Variants in CFAP299 observed in about 807,000 individuals in gnomAD.
CFAP299 encodes the protein cilia- and flagella-associated protein 299.
In CFAP299, 21 loss-of-function variants were observed where a neutral mutation model predicts 27.0. That is an observed-to-expected ratio of 0.78 (90% CI 0.55 to 1.12). The LOEUF (loss-of-function observed/expected upper bound fraction) is 1.12, where lower values mean the gene tolerates loss of function less well. CFAP299 is among the 50% of genes most tolerant of loss of function. The pLI is 0.00. For missense variants in CFAP299, 310 were observed against 276.6 expected (o/e 1.12, Z -0.86); for synonymous variants, 104 against 98.1 (o/e 1.06, Z -0.36).
chr4:80,795,930 G>A (rs1284423704), intron 3 of CFAP299, among the ~76,000 whole-genome samples: 1 of 152,172 alleles, frequency 6.6e-6, no homozygotes, highest in Non-Finnish European at 1.5e-5. Context: ...GGACCTGCCA[G>A]TGGCTCCAAA....
At chr4:80,447,138 T>TTTTGTTTTTTG (rs1560571657) in intron 2 of CFAP299, among the ~76,000 whole-genome samples, 10 of 111,998 alleles carry the variant, frequency 8.9e-5, no homozygotes, top group Non-Finnish European at 1.2e-4. Context: ...TTGTTTTTTT[T>TTTTGTTTTTTG]TTTTTTTTTT....
At chr4:80,611,028 C>T (rs879805043) in intron 3 of CFAP299, among the ~76,000 whole-genome samples, 1 of 152,006 alleles carries the variant, frequency 6.6e-6, no homozygotes, top group Admixed American at 6.6e-5. Context: ...AATGGTAAAC[C>T]GCAGGACCAC....
the CFAP299 span, among the ~76,000 whole-genome samples, chr4:80,329,074 T>C: frequency 6.6e-6 from 1 of 151,886 alleles, no homozygotes; most frequent in Non-Finnish European, 1.5e-5. Flanking sequence ...ATAAGATTTC[T>C]TTTTTTGCGA....
chr4:80,444,255 A>T (rs746465276), intron 2 of CFAP299, among the ~76,000 whole-genome samples: 2 of 152,214 alleles, frequency 1.3e-5, no homozygotes, highest in Non-Finnish European at 2.9e-5. Flanking sequence ...AGCTGGAGGC[A>T]TCATGCTACC....
chr4:80,427,114 T>G (rs187579764), intron 2 of CFAP299, among the ~76,000 whole-genome samples: 1 of 152,178 alleles, frequency 6.6e-6, no homozygotes, highest in African/African-American at 2.4e-5. Context: ...GCAAAAGAAT[T>G]TGAGGAAATG....
At chr4:80,322,748 A>C in the CFAP299 span, among the ~76,000 whole-genome samples, 11 of 152,242 alleles carry the variant, frequency 7.2e-5, no homozygotes, top group Non-Finnish European at 1.0e-4. Context: ...TATTTTAAGA[A>C]GCAACACTAA....
chr4:80,763,803 G>A (rs762405204), intron 3 of CFAP299, among the ~76,000 whole-genome samples: 3 of 151,902 alleles, frequency 2.0e-5, no homozygotes, highest in South Asian at 2.1e-4. Flanking sequence ...ATAACAACAC[G>A]CATCTACAAC....
At chr4:80,333,489 C>T (rs1722014709), upstream of CFAP299, among the ~76,000 whole-genome samples, 1 of 152,154 alleles carries the variant, frequency 6.6e-6, no homozygotes, top group African/African-American at 2.4e-5. Context: ...GCAAAACATT[C>T]CCTTCCTGTC....
chr4:80,460,125 G>A (rs1212441218), intron 2 of CFAP299, among the ~76,000 whole-genome samples: 1 of 152,132 alleles, frequency 6.6e-6, no homozygotes, highest in African/African-American at 2.4e-5. Context: ...GTTTTGTTAT[G>A]CAGATGAAAC....
At position 80,879,597 on chromosome 4, in the gene CFAP299, G is replaced by C. The variant is rs957692143; in HGVS notation, c.476+9462G>C. ...GTATTTTCATTTGTTTTTAACACTC[G>C]GCATTTTTACTTTCAATCGAAATTT... On this transcript the variant is annotated intron_variant, in intron 4 of 5. Coordinates refer to ENST00000358105, the MANE Select transcript of CFAP299 (RefSeq NM_152770.3). Among the ~76,000 whole-genome samples, 13 of 151,960 alleles carry C rather than the reference G, an allele frequency of 8.6e-5. No individual in the cohort carries two copies. The East Asian group carries it at 1.5e-3, about 18-fold the overall frequency.
At chr4:80,562,841 G>A (rs911665326) in intron 2 of CFAP299, among the ~76,000 whole-genome samples, 1 of 151,688 alleles carries the variant, frequency 6.6e-6, no homozygotes, top group Non-Finnish European at 1.5e-5. Flanking sequence ...TGAAAATAAA[G>A]GCGTGGAAAA....
At chr4:80,697,247 T>A (rs1721161568) in intron 3 of CFAP299, among the ~76,000 whole-genome samples, 2 of 152,082 alleles carry the variant, frequency 1.3e-5, no homozygotes, top group Admixed American at 1.3e-4. Flanking sequence ...GAATTAGAGA[T>A]CCCTGTTAAA....
intron 3 of CFAP299, among the ~76,000 whole-genome samples, chr4:80,690,146 T>A (rs1720557868): frequency 7.0e-6 from 1 of 142,030 alleles, no homozygotes; most frequent in South Asian, 2.1e-4. Context: ...AGACAGAAAA[T>A]CAACAAGGAT....
intron 4 of CFAP299, among the ~76,000 whole-genome samples, chr4:80,942,997 T>C (rs1482006202): frequency 6.6e-6 from 1 of 152,186 alleles, no homozygotes; most frequent in Non-Finnish European, 1.5e-5. Context: ...TGCTACAGAA[T>C]CATCTGCTGC....
chr4:80,700,622 A>C (rs1453913070), intron 3 of CFAP299, among the ~76,000 whole-genome samples: 3 of 152,048 alleles, frequency 2.0e-5, no homozygotes, highest in African/African-American at 4.8e-5. Context: ...TGCCTTCTAA[A>C]AGGCTGGGGT....
At chr4:80,742,803 G>A (rs767508885) in intron 3 of CFAP299, among the ~76,000 whole-genome samples, 9 of 152,128 alleles carry the variant, frequency 5.9e-5, no homozygotes, top group African/African-American at 2.2e-4. Flanking sequence ...CTCAAAAGTG[G>A]AATGTTGATC....
chr4:80,422,397 TTAGC>T (rs1727327790), intron 2 of CFAP299, among the ~76,000 whole-genome samples: 1 of 152,166 alleles, frequency 6.6e-6, no homozygotes, highest in Non-Finnish European at 1.5e-5. Flanking sequence ...ATTCTTTAGT[TTAGC>T]CCTCCACAGG....
At chr4:80,592,686 A>G (rs1042713181) in intron 3 of CFAP299, among the ~76,000 whole-genome samples, 1 of 152,236 alleles carries the variant, frequency 6.6e-6, no homozygotes, top group Non-Finnish European at 1.5e-5. Context: ...TTTAAAATTT[A>G]TGAAAATTAT....
chr4:80,864,435 T>G (rs1382114974), intron 3 of CFAP299, among the ~76,000 whole-genome samples: 1 of 146,134 alleles, frequency 6.8e-6, no homozygotes, highest in African/African-American at 2.5e-5. Flanking sequence ...TATAGGTATA[T>G]ATATATATAT....
Sources: gnomAD v4.1 joint callset for allele counts (sites outside exome capture counted in the v4.1 genomes callset) on GRCh38, gnomAD v4.1.1 for gene constraint, MANE v1.5 for transcripts, NCBI Gene and HGNC (gene_info 2026-07-23, HGNC 2026-07-21) for gene names.